The following HNMT variants were observed in gnomAD, a reference collection of about 807,000 sequenced individuals.
The protein encoded by HNMT is histamine N-methyltransferase.
In HNMT, 30 loss-of-function variants were observed where a neutral mutation model predicts 32.1. The observed-to-expected ratio is 0.93, with a 90% CI of 0.70 to 1.27. The LOEUF (loss-of-function observed/expected upper bound fraction) is 1.27. Ranked by LOEUF, HNMT falls within the 50% of genes most tolerant of loss-of-function variation. The probability of loss-of-function intolerance (pLI) is 0.00; values close to 1 mark genes in which losing one functional copy is unlikely to be tolerated. For missense variants in HNMT, 327 were observed against 346.0 expected, an observed-to-expected ratio of 0.95 and a Z score of 0.43; for synonymous variants, 125 against 119.0, an observed-to-expected ratio of 1.05 and a Z score of -0.33.
chr2:137,983,171 A>C (rs1167144606), intron 2 of HNMT, among the ~76,000 whole-genome samples: 1 of 152,170 alleles, frequency 6.6e-6, no homozygotes, highest in East Asian at 1.9e-4. Flanking sequence ...ACCCAAAACC[A>C]GGAAGACAGT....
chr2:137,993,122 C>T (rs933471424), intron 2 of HNMT, among the ~76,000 whole-genome samples: 3 of 152,050 alleles, frequency 2.0e-5, no homozygotes, highest in African/African-American at 7.2e-5. Context: ...TGCTGAAAAC[C>T]CAAAAGGTCA....
chr2:137,995,393 C>T (rs955407208), intron 2 of HNMT, among the ~76,000 whole-genome samples: 3 of 152,074 alleles, frequency 2.0e-5, no homozygotes. Flanking sequence ...AACACCTCTA[C>T]ACAAATAAAC....
At chr2:137,984,540 C>T (rs989717144) in intron 2 of HNMT, among the ~76,000 whole-genome samples, 2 of 152,156 alleles carry the variant, frequency 1.3e-5, no homozygotes, top group African/African-American at 2.4e-5. Context: ...TGGGCATTTC[C>T]TGGCATATAA....
chr2:137,994,219 GTC>G (rs1413594488), intron 2 of HNMT, among the ~76,000 whole-genome samples: 8 of 152,210 alleles, frequency 5.3e-5, no homozygotes, highest in Non-Finnish European at 7.3e-5. Context: ...AAAAGACACA[GTC>G]TGACAAATCG....
chr2:138,005,096 C>G (rs2104980681), intron 4 of HNMT, 36 bp from the exon 5 acceptor site: 2 of 1,162,006 alleles, frequency 1.7e-6, no homozygotes, highest in Non-Finnish European at 2.6e-6. Flanking sequence ...CTTCAACATA[C>G]AGAAGCAGCT....
chr2:138,000,748 C>G (rs1441676241), intron 2 of HNMT, among the ~76,000 whole-genome samples, 170 bp from the exon 3 acceptor site: 1 of 151,982 alleles, frequency 6.6e-6, no homozygotes, highest in Non-Finnish European at 1.5e-5. Flanking sequence ...ATTACTATGC[C>G]TACTTAGAAC....
intron 5 of HNMT, among the ~76,000 whole-genome samples, chr2:138,013,498 G>A (rs931147241): frequency 6.6e-6 from 1 of 152,092 alleles, no homozygotes; most frequent in Non-Finnish European, 1.5e-5. Flanking sequence ...CTGCTCAAAT[G>A]TCAGGTTATT....
intron 5 of HNMT, among the ~76,000 whole-genome samples, chr2:138,008,547 C>A (rs1681398611): frequency 6.6e-6 from 1 of 151,682 alleles, no homozygotes; most frequent in African/African-American, 2.4e-5. Flanking sequence ...GTACAATAAC[C>A]AAACAGCATG....
chr2:137,986,751 AAAG>A (rs1204694049), intron 2 of HNMT, among the ~76,000 whole-genome samples: 1 of 152,240 alleles, frequency 6.6e-6, no homozygotes, highest in Non-Finnish European at 1.5e-5. Context: ...ATAGATAAAA[AAAG>A]AGAATTAAAA....
intron 2 of HNMT, chr2:137,981,368 G>C: frequency 6.2e-7 from 1 of 1,612,004 alleles, no homozygotes; most frequent in South Asian, 1.1e-5. Context: ...AAGCAAATCT[G>C]CATTTCCCTC....
intron 1 of HNMT, among the ~76,000 whole-genome samples, chr2:137,969,184 ATTTCT>A (rs1190981973): frequency 2.6e-5 from 4 of 152,002 alleles, no homozygotes; most frequent in African/African-American, 9.6e-5. Flanking sequence ...TCTGTGCTTT[ATTTCT>A]TTTCTTCTCT....
chr2:137,973,218 G>A (rs1158261627), intron 2 of HNMT, among the ~76,000 whole-genome samples: 1 of 152,172 alleles, frequency 6.6e-6, no homozygotes, highest in Non-Finnish European at 1.5e-5. Flanking sequence ...GGTGTCTGTT[G>A]CTTGAAAGAA....
At chr2:138,007,921 TCA>T (rs1374542338) in intron 5 of HNMT, among the ~76,000 whole-genome samples, 1 of 152,010 alleles carries the variant, frequency 6.6e-6, no homozygotes, top group Non-Finnish European at 1.5e-5. Flanking sequence ...ATAACTTCTC[TCA>T]GTCTTCCCTC....
At position 138,002,140 on chromosome 2, in the gene HNMT, T is replaced by C. The variant is rs762564728; in HGVS notation, c.375T>C (p.Ser125=). The stretch of plus-strand genomic sequence containing the variant: ...AGGAGACATCATCTGAATACCAAAG[T>C]AGAATGTTGGAGAAAAAGGAGCTTC... The part of the protein sequence containing the change: ...WHKETSSEYQ[S]RMLEKKELQK... Residue 125 remains serine (S), a synonymous_variant, in exon 4 of 6, where the codon AGT becomes AGC. Transcript: ENST00000280097. The C allele has an allele frequency of 5.6e-6, 9 of 1,601,138 alleles. No homozygotes were observed. Among genetic ancestry groups the C allele is most frequent in the African/African-American group, 2.7e-5 (2 of 74,476 alleles).
At chr2:137,971,819 T>A (rs1204311296) in intron 2 of HNMT, among the ~76,000 whole-genome samples, 1 of 152,022 alleles carries the variant, frequency 6.6e-6, no homozygotes, top group Admixed American at 6.6e-5. Flanking sequence ...TTTTAAGTCA[T>A]CTGGAAGTTT....
At chr2:137,981,278 A>G (rs980299971) in intron 2 of HNMT, 22 of 1,613,376 alleles carry the variant, frequency 1.4e-5, no homozygotes, top group Non-Finnish European at 1.8e-5. Context: ...TTTGTGTAGC[A>G]CCCGTCAGAA....
chr2:137,979,859 A>T lies in HNMT; in HGVS notation c.190+9642A>T, dbSNP rs1260336394. On this transcript the variant is annotated intron_variant, in intron 2 of 5. Coordinates refer to ENST00000280097, the MANE Select transcript of HNMT (RefSeq NM_006895.3). ...TGAGTTTTCTGCATTATTAATTTTT[A>T]GCCAGAGAGAGAAAAAAACAAAACT... Among the ~76,000 whole-genome samples the T allele has an allele frequency of 2.0e-5, 3 of 152,084 alleles. No individual in the cohort carries two copies. In the East Asian group the frequency reaches 5.8e-4, roughly 29 times the overall value.
intron 1 of HNMT, among the ~76,000 whole-genome samples, chr2:137,966,063 T>C (rs1679948750): frequency 6.6e-6 from 1 of 152,230 alleles, no homozygotes; most frequent in Non-Finnish European, 1.5e-5. Context: ...AAATAAGATT[T>C]AGCTGAAGGA....
In HNMT at chr2:138,014,085, G is replaced by A; in HGVS notation, c.834G>A (p.Lys278=). Residue 278 remains lysine, a synonymous_variant, in exon 6 of 6, where the codon AAG becomes AAA. Coordinates refer to ENST00000280097, the MANE Select transcript of HNMT (RefSeq NM_006895.3). ...AATTTAGTGCTAAGAAAGAGGGGAAGGTTCTTTTTAATAATACTCTGAGTT... is the reference window on the plus strand; with the variant it reads ...AATTTAGTGCTAAGAAAGAGGGGAAAGTTCTTTTTAATAATACTCTGAGTT... ...EPEFSAKKEG[K]VLFNNTLSFI... is the part of the protein sequence containing the mutation. 6.2e-7 allele frequency: 1 copy of A among 1,603,414 alleles called. No homozygotes were observed. Among genetic ancestry groups the A allele is most frequent in the South Asian group, 1.1e-5 (1 of 90,174 alleles).
Sources: gnomAD v4.1 joint callset for allele counts (sites outside exome capture counted in the v4.1 genomes callset) on GRCh38, gnomAD v4.1.1 for gene constraint, MANE v1.5 for transcripts, NCBI Gene and HGNC (gene_info 2026-07-23, HGNC 2026-07-21) for gene names.